Variants in ELAVL4 observed in about 807,000 individuals in gnomAD.
The protein encoded by ELAVL4 is ELAV like RNA binding protein 4, also known as ELAV-like protein 4.
In ELAVL4, 1 loss-of-function variant was observed where a neutral mutation model predicts 35.6. The observed-to-expected ratio is 0.03, with a 90% CI of 0.01 to 0.13. The LOEUF (loss-of-function observed/expected upper bound fraction) is 0.13. Among genes scored for constraint, ELAVL4 ranks in the 10% least tolerant of loss-of-function variants. The pLI is 1.00. For missense variants in ELAVL4, 267 were observed against 464.9 expected (o/e 0.57, Z 3.91); for synonymous variants, 156 against 171.0 (o/e 0.91, Z 0.69).
intron 1 of ELAVL4, among the ~76,000 whole-genome samples, chr1:50,083,260 ATTGGTTTG>A (rs1442306370): frequency 6.6e-6 from 1 of 151,986 alleles, no homozygotes; most frequent in Non-Finnish European, 1.5e-5. Flanking sequence ...GACACTGGGT[ATTGGTTTG>A]TTGTCCTGGC....
upstream of ELAVL4, among the ~76,000 whole-genome samples, chr1:50,101,169 C>T (rs891878032): frequency 6.6e-6 from 1 of 152,200 alleles, no homozygotes; most frequent in Admixed American, 6.5e-5. Flanking sequence ...ATGAGTGGGA[C>T]TATTGATCTT....
chr1:50,108,014 A>G (rs1167893485), upstream of ELAVL4, among the ~76,000 whole-genome samples: 1 of 152,242 alleles, frequency 6.6e-6, no homozygotes, highest in Non-Finnish European at 1.5e-5. Context: ...AACACTCTGC[A>G]CAGGTTTTGA....
chr1:50,106,972 T>C, upstream of ELAVL4, among the ~76,000 whole-genome samples: 1 of 152,344 alleles, frequency 6.6e-6, no homozygotes, highest in South Asian at 2.1e-4. Context: ...TTATCTTTTA[T>C]AACCTCCAGA....
At chr1:50,075,740 A>T (rs1422896383) in intron 1 of ELAVL4, among the ~76,000 whole-genome samples, 3 of 152,330 alleles carry the variant, frequency 2.0e-5, no homozygotes, top group African/African-American at 7.2e-5. Context: ...GTGGGGCAAC[A>T]TCTTGATGAA....
intron 2 of ELAVL4, among the ~76,000 whole-genome samples, chr1:50,157,814 T>C (rs1676019880): frequency 6.6e-6 from 1 of 152,192 alleles, no homozygotes; most frequent in Non-Finnish European, 1.5e-5. Context: ...GAAGCTGGTG[T>C]CCACATGTTG....
chr1:50,138,191 T>A (rs886069004), intron 1 of ELAVL4, among the ~76,000 whole-genome samples: 1 of 152,104 alleles, frequency 6.6e-6, no homozygotes, highest in Non-Finnish European at 1.5e-5. Context: ...GGTAAGGCCG[T>A]ATTCTAAACT....
chr1:50,194,966 T>C (rs1031421754), intron 4 of ELAVL4, among the ~76,000 whole-genome samples: 1 of 152,056 alleles, frequency 6.6e-6, no homozygotes, highest in African/African-American at 2.4e-5. Context: ...AATAGGGAAT[T>C]TGGGGCCAGA....
At chr1:50,175,290 A>T (rs1000713808) in intron 2 of ELAVL4, among the ~76,000 whole-genome samples, 1 of 152,208 alleles carries the variant, frequency 6.6e-6, no homozygotes, top group South Asian at 2.1e-4. Flanking sequence ...TTTTAAACCA[A>T]TGAAATTGGT....
intron 3 of ELAVL4, among the ~76,000 whole-genome samples, chr1:50,191,604 C>T (rs1362210029): frequency 6.6e-6 from 1 of 152,054 alleles, no homozygotes; most frequent in East Asian, 1.9e-4. Flanking sequence ...CTAAAGAGAT[C>T]ATCAGCCTAG....
intron 1 of ELAVL4, among the ~76,000 whole-genome samples, chr1:50,141,574 C>G (rs1264421176): frequency 6.6e-6 from 1 of 152,202 alleles, no homozygotes; most frequent in Non-Finnish European, 1.5e-5. Flanking sequence ...AGGAGTTGTG[C>G]TGATGCTCTG....
chr1:50,172,082 G>C (rs1379975725), intron 2 of ELAVL4, among the ~76,000 whole-genome samples: 2 of 144,212 alleles, frequency 1.4e-5, no homozygotes, highest in African/African-American at 2.4e-5. Flanking sequence ...GGAGAATGAT[G>C]GTTTTTAAAA....
At chr1:50,143,002 A>T (rs944909008) in intron 1 of ELAVL4, among the ~76,000 whole-genome samples, 1 of 152,226 alleles carries the variant, frequency 6.6e-6, no homozygotes, top group Non-Finnish European at 1.5e-5. Context: ...ACAAAAGAGT[A>T]TGTGTTGTAT....
intron 1 of ELAVL4, among the ~76,000 whole-genome samples, chr1:50,124,085 CT>C (rs1217416635): frequency 6.6e-6 from 1 of 152,104 alleles, no homozygotes; most frequent in Non-Finnish European, 1.5e-5. Context: ...CAGGTGCCCC[CT>C]AGCTTATGAG....
At chr1:50,165,689 T>A (rs1677708165) in intron 2 of ELAVL4, among the ~76,000 whole-genome samples, 1 of 148,756 alleles carries the variant, frequency 6.7e-6, no homozygotes, top group Non-Finnish European at 1.5e-5. Flanking sequence ...TATACATATA[T>A]ACACACATAT....
intron 3 of ELAVL4, among the ~76,000 whole-genome samples, chr1:50,192,519 G>GCACGCACA (rs1553190643): frequency 2.1e-5 from 3 of 140,336 alleles, no homozygotes; most frequent in African/African-American, 5.3e-5. Context: ...TTGTGTGCAC[G>GCACGCACA]CACACACACA....
intron 1 of ELAVL4, among the ~76,000 whole-genome samples, chr1:50,069,542 A>T (rs901480053): frequency 1.3e-5 from 2 of 152,116 alleles, no homozygotes; most frequent in African/African-American, 4.8e-5. Context: ...TTGTTCAATA[A>T]ATATTTTTTG....
rs773624398 is a variant in ELAVL4, at chr1:50,195,705, G to C, written c.653G>C (p.Ser218Thr). The change falls in exon 5 of 7, where the codon AGC (serine) becomes ACC (threonine). Residue 218 changes from serine to threonine, a missense_variant. Around this residue, in one of 2 missense-constraint regions of ELAVL4, gnomAD observed 216 missense variants for 409.5 expected, o/e 0.53. Transcript: ENST00000371824. ...KFANNPSQKSSQALLSQLYQS... is the reference protein window; with the variant it reads ...KFANNPSQKSTQALLSQLYQS... ...GCCAACAACCCCAGCCAGAAGTCCA[G>C]CCAGGCCCTGCTCTCCCAGCTCTAC... The C allele has an allele frequency of 6.2e-7, 1 of 1,614,140 alleles. No individual in the cohort carries two copies. Among genetic ancestry groups the C allele is most frequent in the East Asian group, 2.2e-5 (1 of 44,868 alleles).
At chr1:50,107,071 A>G (rs961555959), upstream of ELAVL4, among the ~76,000 whole-genome samples, 1 of 152,136 alleles carries the variant, frequency 6.6e-6, no homozygotes, top group Non-Finnish European at 1.5e-5. Context: ...ACAATATTTT[A>G]ATATTGGTGA....
chr1:50,152,411 A>AACAC (rs139606475), intron 2 of ELAVL4, among the ~76,000 whole-genome samples: 2 of 148,382 alleles, frequency 1.3e-5, no homozygotes, highest in South Asian at 2.1e-4. Context: ...TTCTTCCCCC[A>AACAC]ACACACACAC....
Sources: allele counts gnomAD v4.1 joint callset (sites outside exome capture counted in the v4.1 genomes callset), GRCh38; gene constraint gnomAD v4.1.1; regional missense constraint gnomAD v4.1.1; transcripts MANE v1.5; gene names NCBI Gene and HGNC (gene_info 2026-07-23, HGNC 2026-07-21).